The following EXOC6B variants were observed in gnomAD, a reference collection of about 807,000 sequenced individuals.
EXOC6B encodes the protein SEC15 homolog B.
In EXOC6B, 54 loss-of-function variants were observed where a neutral mutation model predicts 113.5. The observed-to-expected ratio is 0.48, with a 90% CI of 0.38 to 0.60. The LOEUF (loss-of-function observed/expected upper bound fraction) is 0.60, where lower values mean the gene tolerates loss of function less well. Ranked by LOEUF, EXOC6B falls within the 20% of genes least tolerant of loss-of-function variation. The pLI is 0.00. For synonymous variants in EXOC6B, 357 were observed against 339.0 expected (o/e 1.05, Z -0.58); for missense variants, 797 against 977.5 (o/e 0.82, Z 2.46).
intron 1 of EXOC6B, among the ~76,000 whole-genome samples, chr2:72,785,177 C>G (rs747246723): frequency 1.6e-4 from 25 of 152,254 alleles, no homozygotes; most frequent in Non-Finnish European, 3.1e-4. Flanking sequence ...TTCCCACAGT[C>G]TTGGACAGCT....
At chr2:72,709,106 G>A (rs1454735350) in intron 6 of EXOC6B, among the ~76,000 whole-genome samples, 1 of 151,448 alleles carries the variant, frequency 6.6e-6, no homozygotes, top group Non-Finnish European at 1.5e-5. Flanking sequence ...TTCTCAAGAT[G>A]TAGAAGGATG....
chr2:72,686,740 G>C (rs892941609), intron 6 of EXOC6B, among the ~76,000 whole-genome samples: 4 of 152,100 alleles, frequency 2.6e-5, no homozygotes, highest in Admixed American at 2.6e-4. Flanking sequence ...GACTACAAAA[G>C]AAGAAGCCCA....
At chr2:72,404,431 C>T (rs574545121) in intron 18 of EXOC6B, among the ~76,000 whole-genome samples, 3 of 152,182 alleles carry the variant, frequency 2.0e-5, no homozygotes, top group Admixed American at 6.5e-5. Flanking sequence ...TCCCTGACCC[C>T]GAGTAGCCTA....
chr2:72,504,952 T>C (rs1037031141), intron 11 of EXOC6B, among the ~76,000 whole-genome samples: 1 of 152,218 alleles, frequency 6.6e-6, no homozygotes, highest in Non-Finnish European at 1.5e-5. Flanking sequence ...TTGAGATGTC[T>C]ATCTTTAATG....
At chr2:72,303,678 T>C (rs953648916) in intron 20 of EXOC6B, among the ~76,000 whole-genome samples, 3 of 152,222 alleles carry the variant, frequency 2.0e-5, no homozygotes, top group Admixed American at 2.0e-4. Context: ...CTGAATTCTA[T>C]TTCTGTCATT....
intron 1 of EXOC6B, among the ~76,000 whole-genome samples, chr2:72,774,707 A>G (rs1444741831): frequency 6.6e-6 from 1 of 152,158 alleles, no homozygotes; most frequent in Non-Finnish European, 1.5e-5. Flanking sequence ...TTCAACACCA[A>G]TTCTCTGACA....
intron 16 of EXOC6B, among the ~76,000 whole-genome samples, chr2:72,489,490 T>C (rs944819153): frequency 1.3e-5 from 2 of 152,200 alleles, no homozygotes; most frequent in Admixed American, 1.3e-4. Flanking sequence ...GACCTCTTAA[T>C]AATAACAGGT....
chr2:72,515,001 G>C, intron 9 of EXOC6B, 42 bp downstream of exon 9: 2 of 1,519,106 alleles, frequency 1.3e-6, no homozygotes, highest in Non-Finnish European at 1.8e-6. Flanking sequence ...ACATCAAGGA[G>C]GAAAAGTAAA....
intron 20 of EXOC6B, among the ~76,000 whole-genome samples, chr2:72,204,777 G>C (rs919175562): frequency 6.6e-6 from 1 of 152,096 alleles, no homozygotes; most frequent in Non-Finnish European, 1.5e-5. Context: ...TTCTTCTTTG[G>C]GAGAGGAAGA....
At chr2:72,776,460 T>C (rs1459841374) in intron 1 of EXOC6B, among the ~76,000 whole-genome samples, 2 of 151,714 alleles carry the variant, frequency 1.3e-5, no homozygotes, top group Admixed American at 6.6e-5. Context: ...CTACAAACAA[T>C]ACAAAAATTA....
intron 1 of EXOC6B, among the ~76,000 whole-genome samples, chr2:72,770,637 G>C (rs751452063): frequency 1.3e-5 from 2 of 152,230 alleles, no homozygotes; most frequent in Admixed American, 1.3e-4. Flanking sequence ...AGAGCCTTTA[G>C]GATTTGGGGA....
At chr2:72,267,323 C>G (rs1258537221) in intron 20 of EXOC6B, among the ~76,000 whole-genome samples, 2 of 152,274 alleles carry the variant, frequency 1.3e-5, no homozygotes, top group Middle Eastern at 6.8e-3. Flanking sequence ...GAGGGCGTCT[C>G]TGTCTTGTGC....
chr2:72,650,696 T>C (rs1266055069), intron 6 of EXOC6B, among the ~76,000 whole-genome samples: 5 of 151,530 alleles, frequency 3.3e-5, no homozygotes, highest in South Asian at 4.2e-4. Context: ...GAAGAGGATA[T>C]AGGAATGGTA....
At chr2:72,649,157 A>G (rs566980963) in intron 6 of EXOC6B, among the ~76,000 whole-genome samples, 3 of 152,278 alleles carry the variant, frequency 2.0e-5, no homozygotes, top group Admixed American at 6.5e-5. Flanking sequence ...AGAAAAAAAT[A>G]AAATTGAACT....
At chr2:72,790,369 A>G (rs1392154307) in intron 1 of EXOC6B, among the ~76,000 whole-genome samples, 1 of 152,230 alleles carries the variant, frequency 6.6e-6, no homozygotes, top group African/African-American at 2.4e-5. Context: ...AATCGAAATG[A>G]GAAAGGAATT....
At chr2:72,743,986 T>G (rs1045844867) in intron 1 of EXOC6B, among the ~76,000 whole-genome samples, 2 of 152,174 alleles carry the variant, frequency 1.3e-5, no homozygotes, top group Non-Finnish European at 2.9e-5. Flanking sequence ...TATTATCTAG[T>G]GAAGTCATAG....
intron 16 of EXOC6B, among the ~76,000 whole-genome samples, chr2:72,491,223 G>A (rs1699725332): frequency 6.6e-6 from 1 of 152,076 alleles, no homozygotes; most frequent in Non-Finnish European, 1.5e-5. Context: ...AAAGTCTAAG[G>A]TAATTTTCAA....
chr2:72,667,355 C>T (rs1385844957), intron 6 of EXOC6B, among the ~76,000 whole-genome samples: 1 of 152,118 alleles, frequency 6.6e-6, no homozygotes, highest in Non-Finnish European at 1.5e-5. Flanking sequence ...CATCATTTTT[C>T]AAATAATTAT....
chr2:72,813,314 C>G (rs572538401), intron 1 of EXOC6B, among the ~76,000 whole-genome samples: 57 of 152,248 alleles, frequency 3.7e-4, no homozygotes, highest in African/African-American at 1.4e-3. Context: ...GTCTCAAACT[C>G]CTGGGCTCAA....
Sources: gnomAD v4.1 joint callset for allele counts (sites outside exome capture counted in the v4.1 genomes callset) on GRCh38, gnomAD v4.1.1 for gene constraint, MANE v1.5 for transcripts, NCBI Gene and HGNC (gene_info 2026-07-23, HGNC 2026-07-21) for gene names.